Variants in RASGEF1A observed in about 807,000 individuals in gnomAD.
RASGEF1A encodes the protein RasGEF domain family member 1A.
Under a neutral mutation model 56.4 loss-of-function variants are expected in RASGEF1A, and 18 were observed. That is an observed-to-expected ratio of 0.32 (90% CI 0.22 to 0.47). The LOEUF is 0.47. Ranked by LOEUF, RASGEF1A falls within the 20% of genes least tolerant of loss-of-function variation. RASGEF1A has a pLI of 1.00. For missense variants in RASGEF1A, 422 were observed against 627.1 expected, an observed-to-expected ratio of 0.67 and a Z score of 3.49; for synonymous variants, 245 against 242.6, an observed-to-expected ratio of 1.01 and a Z score of -0.09.
rs1839961364 is a variant in RASGEF1A at position 43,204,345 on chromosome 10, C to T, written c.199-925G>A. Reference sequence around the variant, plus strand: ...GGAGTACAGGCCTCCTGGAGCAGGACTCAGGGGCCTGGGCTGACACTGCCC... The same window carrying T: ...GGAGTACAGGCCTCCTGGAGCAGGATTCAGGGGCCTGGGCTGACACTGCCC... On this transcript the variant is annotated intron_variant, in intron 2 of 12. Coordinates refer to ENST00000395810, the MANE Select transcript of RASGEF1A (RefSeq NM_145313.4). 3.3e-5 allele frequency among the ~76,000 whole-genome samples: 5 copies of T among 152,190 alleles called. No individual in the cohort carries two copies. In the South Asian group the frequency reaches 1.0e-3, roughly 32 times the overall value.
chr10:43,205,007 G>A lies in RASGEF1A; in HGVS notation c.198+912C>T, dbSNP rs537752418. On this transcript the variant is annotated intron_variant, in intron 2 of 12. Coordinates refer to ENST00000395810, the MANE Select transcript of RASGEF1A (RefSeq NM_145313.4). ...AAGGACAGATGGAGGAGGAGGAGGA[G>A]TGGGCAACAGAAAGGCAAGGCCCCC... Among the ~76,000 whole-genome samples the A allele has an allele frequency of 1.6e-3, 241 of 152,312 alleles. 1 individual carries two copies. The highest frequency in any genetic ancestry group is 5.7e-3 in the African/African-American group (238 of 41,556).
At chr10:43,262,159 C>T (rs1356431908) in intron 1 of RASGEF1A, among the ~76,000 whole-genome samples, 1 of 152,132 alleles carries the variant, frequency 6.6e-6, no homozygotes, top group Non-Finnish European at 1.5e-5. Flanking sequence ...CAGATTTGGG[C>T]AGCCTTGGTG....
intron 1 of RASGEF1A, among the ~76,000 whole-genome samples, chr10:43,248,364 TAA>T (rs34561814): frequency 0.021 from 2,360 of 111,402 alleles, 36 homozygotes; most frequent in Middle Eastern, 0.056. Flanking sequence ...ACTCGGTCTT[TAA>T]AAAAAAAAAA....
chr10:43,199,607 G>A, intron 7 of RASGEF1A, 69 bp downstream of exon 7: 1 of 1,267,912 alleles, frequency 7.9e-7, no homozygotes, highest in East Asian at 2.3e-5. Flanking sequence ...CTAATTCCTG[G>A]GGCAAGATCA....
In RASGEF1A at chr10:43,195,987, A is replaced by G. The variant is rs1564526587; in HGVS notation, c.*257T>C. 1.2e-5 allele frequency: 4 copies of G among 340,454 alleles called. No homozygotes were observed. The highest frequency in any genetic ancestry group is 2.1e-5 in the African/African-American group (1 of 47,516). 21.1% of individuals were successfully genotyped at this position (340,454 alleles called of 1,614,324 possible). On this transcript the variant is annotated 3_prime_UTR_variant, in exon 13 of 13. Transcript: ENST00000395810. This position sits in a 1 kb window ranked among gnomAD's most constrained non-coding sequence, Gnocchi z 4.2. ...CTACATTTCATTAGAATAAGATGTTATCATGGATACCATCTCCCATGATAC... is the reference window on the plus strand; with the variant it reads ...CTACATTTCATTAGAATAAGATGTTGTCATGGATACCATCTCCCATGATAC...
Position 43,196,802 on chromosome 10 carries a change from T to C in RASGEF1A, c.1348+174A>G, listed in dbSNP as rs538270343. Among the ~76,000 whole-genome samples the C allele has an allele frequency of 7.2e-5, 11 of 152,312 alleles. No homozygotes were observed. The highest frequency in any genetic ancestry group is 3.4e-3 in the Middle Eastern group (1 of 292). ...GGAAACTGAGTCTCTTGTCCTTCTC[T>C]TCCATCCATCCCATGACCCACCCTC... On this transcript the variant is annotated intron_variant, in intron 11 of 12. Transcript: ENST00000395810. This position sits in a 1 kb window ranked among gnomAD's most constrained non-coding sequence, Gnocchi z 4.6.
intron 2 of RASGEF1A, 118 bp downstream of exon 2, chr10:43,205,801 C>A (rs1293828736): frequency 7.3e-6 from 6 of 817,074 alleles, no homozygotes; most frequent in African/African-American, 1.7e-5. Context: ...CACTGCCCTG[C>A]CCCTCCTGCA....
At chr10:43,250,795 T>C (rs923665812) in intron 1 of RASGEF1A, among the ~76,000 whole-genome samples, 8 of 152,214 alleles carry the variant, frequency 5.3e-5, no homozygotes, top group Non-Finnish European at 1.2e-4. Context: ...ACCTGTCACC[T>C]GGTCAATGGC....
At chr10:43,241,853 T>C (rs1419515288) in intron 1 of RASGEF1A, among the ~76,000 whole-genome samples, 2 of 151,798 alleles carry the variant, frequency 1.3e-5, no homozygotes, top group Non-Finnish European at 2.9e-5. Flanking sequence ...AAAGTGAAAA[T>C]ATGGCCGGAT....
At position 43,208,799 on chromosome 10, in the gene RASGEF1A, C is replaced by T. The variant is rs1224070984; in HGVS notation, c.-6-2677G>A. The T allele has an allele frequency of 7.1e-6, 7 of 985,416 alleles. No individual in the cohort carries two copies. The African/African-American group carries it at 1.2e-4, about 17-fold the overall frequency. 61.0% of individuals were successfully genotyped at this position (985,416 alleles called of 1,614,324 possible). On this transcript the variant is annotated intron_variant, in intron 1 of 12. Transcript: ENST00000395810. ...GGGCCCACCCTGCCCAGCCACGGAG[C>T]ACTTCGAGGAGGGTCTCCAGGGCTC...
At chr10:43,259,659 T>C (rs1037784291) in intron 1 of RASGEF1A, among the ~76,000 whole-genome samples, 4 of 152,168 alleles carry the variant, frequency 2.6e-5, no homozygotes, top group African/African-American at 7.2e-5. Flanking sequence ...CACTGAGTCA[T>C]AGCCCTCACA....
intron 1 of RASGEF1A, among the ~76,000 whole-genome samples, chr10:43,231,961 C>T (rs902605941): frequency 2.0e-5 from 3 of 152,264 alleles, no homozygotes; most frequent in Non-Finnish European, 4.4e-5. Flanking sequence ...GGCACTTTCT[C>T]CAGACACCTC....
chr10:43,229,397 T>C (rs907768954), intron 1 of RASGEF1A, among the ~76,000 whole-genome samples: 6 of 152,166 alleles, frequency 3.9e-5, no homozygotes, highest in African/African-American at 1.4e-4. Context: ...CAGGAGCCAC[T>C]GTGCTCTCGG....
chr10:43,220,403 G>A (rs1840192436), intron 1 of RASGEF1A, among the ~76,000 whole-genome samples: 1 of 152,160 alleles, frequency 6.6e-6, no homozygotes, highest in African/African-American at 2.4e-5. Flanking sequence ...TGAGGTAGGG[G>A]GATTGCTTGA....
chr10:43,260,171 A>G (rs1303780520), intron 1 of RASGEF1A, among the ~76,000 whole-genome samples: 1 of 152,174 alleles, frequency 6.6e-6, no homozygotes, highest in African/African-American at 2.4e-5. Context: ...CCCTCCCAGC[A>G]TCTGGGTATA....
At chr10:43,213,986 G>A (rs1840101638) in intron 1 of RASGEF1A, among the ~76,000 whole-genome samples, 1 of 152,188 alleles carries the variant, frequency 6.6e-6, no homozygotes, top group African/African-American at 2.4e-5. Context: ...CACACAGAGA[G>A]AGGCCATCTG....
rs1564528988 is a variant in RASGEF1A, at chr10:43,201,748, C to T, written c.459+60G>A. On this transcript the variant is annotated intron_variant, in intron 4 of 12. Coordinates refer to ENST00000395810, the MANE Select transcript of RASGEF1A (RefSeq NM_145313.4). ...GAGTTGTCCCCGAAGCCCCCACCCT[C>T]CCGAGGGCAGACCCTGGCACACACC... 2.3e-5 allele frequency: 33 copies of T among 1,455,846 alleles called. No homozygotes were observed. In the South Asian group the frequency reaches 4.4e-4, roughly 20 times the overall value. The allele number at this position is 1,455,846 out of a possible 1,614,324, so 90.2% of individuals were successfully genotyped here.
chr10:43,242,528 C>T (rs946064991), intron 1 of RASGEF1A, among the ~76,000 whole-genome samples: 2 of 152,108 alleles, frequency 1.3e-5, no homozygotes, highest in African/African-American at 2.4e-5. Context: ...CTCTCCCTCT[C>T]GCTCTCGCTC....
intron 1 of RASGEF1A, among the ~76,000 whole-genome samples, chr10:43,263,268 A>C (rs1348658219): frequency 6.6e-6 from 1 of 152,112 alleles, no homozygotes; most frequent in East Asian, 1.9e-4. Context: ...TCTGGGAACA[A>C]GGCAGTGGAC....
Sources: gnomAD v4.1 joint callset for allele counts (sites outside exome capture counted in the v4.1 genomes callset) on GRCh38, gnomAD v4.1.1 for gene constraint, Gnocchi (gnomAD v3.1) non-coding constraint, MANE v1.5 for transcripts, NCBI Gene and HGNC (gene_info 2026-07-23, HGNC 2026-07-21) for gene names.